EPN2: variants seen among roughly 807,000 people sequenced by gnomAD.
EPN2 encodes the protein epsin 2, also known as epsin-2.
In EPN2, 34 loss-of-function variants were observed where a neutral mutation model predicts 61.7. The observed-to-expected ratio is 0.55, with a 90% CI of 0.42 to 0.73. The LOEUF is 0.73. Among genes scored for constraint, EPN2 ranks in the 30% least tolerant of loss-of-function variants. EPN2 has a pLI of 0.00. For synonymous variants in EPN2, 349 were observed against 353.6 expected, an observed-to-expected ratio of 0.99 and a Z score of 0.15; for missense variants, 714 against 839.2, an observed-to-expected ratio of 0.85 and a Z score of 1.84.
At chr17:19,303,857 C>CAT (rs1466585506) in intron 4 of EPN2, 2 of 152,200 alleles carry the variant, frequency 1.3e-5, no homozygotes, top group African/African-American at 4.8e-5. Context: ...GTAATCCCAG[C>CAT]AGTTTGGGAG....
intron 1 of EPN2, among the ~76,000 whole-genome samples, chr17:19,250,345 A>G (rs753189578): frequency 3.3e-5 from 5 of 152,022 alleles, no homozygotes; most frequent in Admixed American, 2.6e-4. Flanking sequence ...ATCCGCCTGT[A>G]TCAGCCTCCC....
At chr17:19,281,196 G>A (rs1215035508) in intron 1 of EPN2, among the ~76,000 whole-genome samples, 1 of 152,116 alleles carries the variant, frequency 6.6e-6, no homozygotes, top group Non-Finnish European at 1.5e-5. Flanking sequence ...ATTGGCCATT[G>A]GTGATAAACC....
At position 19,285,896 on chromosome 17, in the gene EPN2, C is replaced by T. The variant is rs1386505308; in HGVS notation, c.766+106C>T. Reference sequence around the variant, plus strand: ...AACTCTCTCCCTGTCTCCTCTGGGCCTGGGGGTTTGGCCTCCAGCAGGCCC... The same window carrying T: ...AACTCTCTCCCTGTCTCCTCTGGGCTTGGGGGTTTGGCCTCCAGCAGGCCC... On this transcript the variant is annotated intron_variant, in intron 4 of 10. Coordinates refer to ENST00000314728, the MANE Select transcript of EPN2 (RefSeq NM_014964.5). This position sits in a 1 kb window ranked among gnomAD's most constrained non-coding sequence, Gnocchi z 4.5. 3.6e-6 allele frequency: 5 copies of T among 1,401,054 alleles called. No homozygotes were observed. The African/African-American group carries it at 4.4e-5, about 12-fold the overall frequency. The allele number at this position is 1,401,054 out of a possible 1,614,324, so 86.8% of individuals were successfully genotyped here.
At chr17:19,271,475 G>A (rs1314383639) in intron 1 of EPN2, 1 of 152,274 alleles carries the variant, frequency 6.6e-6, no homozygotes, top group Non-Finnish European at 1.5e-5. Flanking sequence ...CTCTGCCCCA[G>A]AGCCCACCTT....
Position 19,328,904 on chromosome 17 carries a change from C to G in EPN2, c.1324+17C>G. 6.3e-7 allele frequency: 1 copy of G among 1,594,972 alleles called. No individual in the cohort carries two copies. The highest frequency in any genetic ancestry group is 8.6e-7 in the Non-Finnish European group (1 of 1,168,080). On this transcript the variant is annotated intron_variant, in intron 8 of 10. Coordinates refer to ENST00000314728, the MANE Select transcript of EPN2 (RefSeq NM_014964.5). ...CTGTCTCTGGTGAGCCCCTCACTCA[C>G]CCACTTTCCTGCCTGGCCTCTGAGC... is the stretch of plus-strand genomic sequence containing the variant.
chr17:19,268,397 G>T (rs992422878), intron 1 of EPN2, among the ~76,000 whole-genome samples: 13 of 152,102 alleles, frequency 8.5e-5, no homozygotes, highest in Non-Finnish European at 1.6e-4. Context: ...TTGCTCTGTC[G>T]TCCAGGCTGA....
At position 19,333,978 on chromosome 17, in the gene EPN2, T is replaced by C. The variant is rs764554902; in HGVS notation, c.1650T>C (p.Pro550=). Residue 550 remains proline, a synonymous_variant, in exon 11 of 11, where the codon CCT becomes CCC. Transcript: ENST00000314728. ...LAPGAPATSA[P]VNPFQVNQPQ... is the part of the protein sequence containing the mutation. ...CAGGTGCTCCCGCCACCTCGGCCCC[T>C]GTTAACCCTTTCCAGGTGAACCAGC... The C allele has an allele frequency of 1.3e-6, 2 of 1,571,814 alleles. No individual in the cohort carries two copies. Among genetic ancestry groups the C allele is most frequent in the Admixed American group, 1.8e-5 (1 of 56,776 alleles).
At chr17:19,257,401 G>A (rs1469039814) in intron 1 of EPN2, among the ~76,000 whole-genome samples, 1 of 152,200 alleles carries the variant, frequency 6.6e-6, no homozygotes, top group Non-Finnish European at 1.5e-5. Context: ...AATTCGGAAA[G>A]TATGCCTAAG....
intron 1 of EPN2, among the ~76,000 whole-genome samples, chr17:19,242,324 C>T (rs1467876762): frequency 6.6e-6 from 1 of 152,066 alleles, no homozygotes; most frequent in African/African-American, 2.4e-5. Context: ...ACCTGTAGTC[C>T]CAGCTACTCA....
chr17:19,328,783 A>C lies in EPN2; in HGVS notation c.1220A>C (p.Asn407Thr). ...TGATVQSVPK[N>T]SDPWAASQQP... is the part of the protein sequence containing the mutation. ...GCCACCGTACAATCTGTCCCCAAGA[A>C]CTCGGACCCCTGGGCAGCTTCACAG... The change falls in exon 8 of 11, where the codon AAC becomes ACC. Residue 407 changes from asparagine (N) to threonine (T), a missense_variant. Physicochemically the swap from Asn to Thr is moderately conservative, Grantham distance 65. Transcript: ENST00000314728. 6.2e-7 allele frequency: 1 copy of C among 1,613,488 alleles called. No individual in the cohort carries two copies.
At chr17:19,311,238 G>A (rs1906119878) in intron 5 of EPN2, among the ~76,000 whole-genome samples, 1 of 152,222 alleles carries the variant, frequency 6.6e-6, no homozygotes, top group African/African-American at 2.4e-5. Flanking sequence ...TGCCCAGGTG[G>A]ATGCATGTGG....
chr17:19,310,058 T>A, intron 5 of EPN2, 61 bp downstream of exon 5: 1 of 1,220,094 alleles, frequency 8.2e-7, no homozygotes, highest in Non-Finnish European at 1.2e-6. Flanking sequence ...GGAGTGTGGC[T>A]CACTGGGAAG....
chr17:19,293,534 C>CTTTTTTTT (rs71155390), intron 4 of EPN2, among the ~76,000 whole-genome samples: 30 of 52,356 alleles, frequency 5.7e-4, no homozygotes, highest in African/African-American at 7.6e-4. Flanking sequence ...CCATACCCAG[C>CTTTTTTTT]TTTTTTTTTT....
intron 4 of EPN2, among the ~76,000 whole-genome samples, chr17:19,290,875 C>G (rs1403407107): frequency 2.6e-5 from 4 of 152,114 alleles, no homozygotes; most frequent in Non-Finnish European, 5.9e-5. Context: ...CTTCTTGGCT[C>G]TCCTCATGGC....
chr17:19,272,689 G>C (rs1416048183), intron 1 of EPN2, among the ~76,000 whole-genome samples: 3 of 152,166 alleles, frequency 2.0e-5, no homozygotes, highest in Non-Finnish European at 4.4e-5. Context: ...AAAGAATGCT[G>C]TTCATAATTT....
chr17:19,276,677 T>A (rs1048533785), intron 1 of EPN2: 2 of 152,086 alleles, frequency 1.3e-5, no homozygotes, highest in African/African-American at 4.8e-5. Context: ...TAGTTCTAGG[T>A]AATAACTGAT....
At chr17:19,315,195 G>A (rs1473762915) in intron 7 of EPN2, among the ~76,000 whole-genome samples, 1 of 152,214 alleles carries the variant, frequency 6.6e-6, no homozygotes, top group African/African-American at 2.4e-5. Context: ...ACCAAGTTAT[G>A]CCCAGCCCCT....
At chr17:19,306,524 G>C (rs1479234379) in intron 4 of EPN2, among the ~76,000 whole-genome samples, 2 of 152,250 alleles carry the variant, frequency 1.3e-5, no homozygotes, top group East Asian at 3.8e-4. Flanking sequence ...ATGATGTGGT[G>C]AGCCAGTATG....
intron 4 of EPN2, among the ~76,000 whole-genome samples, chr17:19,300,616 C>A (rs966306761): frequency 6.6e-6 from 1 of 151,764 alleles, no homozygotes; most frequent in Non-Finnish European, 1.5e-5. Flanking sequence ...TTAGTAGAGA[C>A]GGGGTTTCTC....
Sources: gnomAD v4.1 joint callset for allele counts (sites outside exome capture counted in the v4.1 genomes callset) on GRCh38, gnomAD v4.1.1 for gene constraint, Gnocchi (gnomAD v3.1) non-coding constraint, MANE v1.5 for transcripts, NCBI Gene and HGNC (gene_info 2026-07-23, HGNC 2026-07-21) for gene names.